PCDHA11: variants seen among roughly 807,000 people sequenced by gnomAD.
PCDHA11 encodes protocadherin alpha 11, also known as protocadherin alpha-11.
A neutral mutation model predicts 70.3 loss-of-function variants in PCDHA11; 61 were observed. That is an observed-to-expected ratio of 0.87 (90% confidence interval 0.71 to 1.07). The LOEUF (loss-of-function observed/expected upper bound fraction) is 1.07. Among genes scored for constraint, PCDHA11 ranks in the 50% least tolerant of loss-of-function variants. The probability of loss-of-function intolerance (pLI) is 0.00; values close to 1 mark genes in which losing one functional copy is unlikely to be tolerated. For synonymous variants in PCDHA11, 633 were observed against 555.1 expected (o/e 1.14, Z -1.97); for missense variants, 1,324 against 1,237.5 (o/e 1.07, Z -1.05).
At position 140,870,179 on chromosome 5, in the gene PCDHA11, G is replaced by A; in HGVS notation, c.1076G>A (p.Arg359Gln). ...VAVTSLSLPV[R>Q]EDAQPSTVIA... ...GTGACTTCCTTGTCCCTCCCAGTAC[G>A]AGAGGACGCTCAGCCCAGCACGGTC... The change falls in exon 1 of 4, where the codon CGA becomes CAA. Residue 359 changes from arginine (R) to glutamine (Q), a missense_variant. Physicochemically the swap from Arg to Gln is conservative, Grantham distance 43. Transcript: ENST00000398640. 1 of 1,614,104 alleles carries A rather than the reference G, an allele frequency of 6.2e-7. No homozygotes were observed. Among genetic ancestry groups the A allele is most frequent in the South Asian group, 1.1e-5 (1 of 91,082 alleles).
intron 1 of PCDHA11, among the ~76,000 whole-genome samples, chr5:140,874,127 A>G (rs1297073584): frequency 2.0e-5 from 3 of 151,564 alleles, no homozygotes; most frequent in Non-Finnish European, 4.4e-5. Flanking sequence ...TAGTTTATTT[A>G]AGTTATCTTA....
intron 1 of PCDHA11, among the ~76,000 whole-genome samples, chr5:140,906,117 C>A (rs1554192403): frequency 6.6e-6 from 1 of 152,180 alleles, no homozygotes; most frequent in Non-Finnish European, 1.5e-5. Flanking sequence ...AGTCCACTGA[C>A]ACAAATGTTA....
intron 1 of PCDHA11, among the ~76,000 whole-genome samples, chr5:140,918,875 T>G (rs1283138930): frequency 2.0e-5 from 3 of 152,188 alleles, no homozygotes; most frequent in African/African-American, 7.2e-5. Context: ...CTTTCAAGCC[T>G]CTAGAACAGT....
chr5:140,911,075 A>G (rs1554194593), intron 1 of PCDHA11, among the ~76,000 whole-genome samples: 1 of 152,076 alleles, frequency 6.6e-6, no homozygotes, highest in Admixed American at 6.6e-5. Context: ...GAGGAGAATC[A>G]ACATTATCTT....
At chr5:140,909,634 T>G (rs2074616296) in intron 1 of PCDHA11, among the ~76,000 whole-genome samples, 1 of 152,176 alleles carries the variant, frequency 6.6e-6, no homozygotes, top group Non-Finnish European at 1.5e-5. Flanking sequence ...GTCTTCCTAT[T>G]TTGTCTTTTC....
chr5:140,910,577 C>T (rs1425639563), intron 1 of PCDHA11, among the ~76,000 whole-genome samples: 1 of 152,186 alleles, frequency 6.6e-6, no homozygotes, highest in Non-Finnish European at 1.5e-5. Flanking sequence ...TTTCTGGATC[C>T]TCCCAGCTGG....
chr5:140,884,504 G>A (rs782001863), intron 1 of PCDHA11: 5 of 1,614,180 alleles, frequency 3.1e-6, no homozygotes, highest in Admixed American at 3.3e-5. Flanking sequence ...CAGCGCGGCA[G>A]GGAGTTGGTC....
Position 140,870,975 on chromosome 5 carries a change from G to A in PCDHA11, c.1872G>A (p.Gly624=). The change falls in exon 1 of 4, where the codon GGG becomes GGA. Residue 624 remains glycine (G), a synonymous_variant. Coordinates refer to ENST00000398640, the MANE Select transcript of PCDHA11 (RefSeq NM_018902.5). ...AGGSRIPFRV[G]LYTGEISTTR... The stretch of plus-strand genomic sequence containing the variant: ...GCTCGCGCATCCCGTTCCGCGTGGG[G>A]CTGTACACGGGCGAGATAAGCACAA... The A allele has an allele frequency of 6.2e-7, 1 of 1,613,610 alleles. No homozygotes were observed. The highest frequency in any genetic ancestry group is 8.5e-7 in the Non-Finnish European group (1 of 1,179,896).
intron 3 of PCDHA11, among the ~76,000 whole-genome samples, chr5:141,005,799 T>A (rs1207641244): frequency 7.5e-6 from 1 of 133,220 alleles, no homozygotes; most frequent in African/African-American, 2.8e-5. Context: ...CAAAAACAAC[T>A]CCAAGGAGCC....
chr5:140,932,607 T>C (rs555006363), intron 1 of PCDHA11, among the ~76,000 whole-genome samples: 8 of 152,052 alleles, frequency 5.3e-5, no homozygotes, highest in Non-Finnish European at 7.4e-5. Flanking sequence ...CTATTTTGAC[T>C]TTGAAGCTGA....
rs782163702 is a variant in PCDHA11, at chr5:140,979,042, C to G, written c.2450+35C>G. 3.1e-6 allele frequency: 5 copies of G among 1,612,562 alleles called. No individual in the cohort carries two copies. The South Asian group carries it at 4.4e-5, about 14-fold the overall frequency. Reference sequence around the variant, plus strand: ...TCCCTCCTCATTCACTCAGAAGTAACCTTAACTTGGTATGGCTCAGATAAA... The same window carrying G: ...TCCCTCCTCATTCACTCAGAAGTAAGCTTAACTTGGTATGGCTCAGATAAA... On this transcript the variant is annotated intron_variant, in intron 2 of 3. Coordinates refer to ENST00000398640, the MANE Select transcript of PCDHA11 (RefSeq NM_018902.5).
At chr5:140,979,318 T>C (rs2096844474) in intron 2 of PCDHA11, among the ~76,000 whole-genome samples, 1 of 152,196 alleles carries the variant, frequency 6.6e-6, no homozygotes, top group Non-Finnish European at 1.5e-5. Context: ...CTACCTATGC[T>C]TTCTTTTCCT....
chr5:140,971,799 TTA>T (rs1435483264), intron 1 of PCDHA11, among the ~76,000 whole-genome samples: 2 of 152,164 alleles, frequency 1.3e-5, no homozygotes, highest in East Asian at 3.8e-4. Flanking sequence ...ATATTGAATA[TTA>T]TAATATTGAA....
intron 1 of PCDHA11, among the ~76,000 whole-genome samples, chr5:140,894,013 T>G (rs1161643824): frequency 1.3e-5 from 2 of 152,232 alleles, no homozygotes; most frequent in African/African-American, 4.8e-5. Flanking sequence ...TGGTTCAAAT[T>G]ACCAGTTCTG....
intron 1 of PCDHA11, among the ~76,000 whole-genome samples, chr5:140,896,094 AGC>A (rs2065382019): frequency 6.6e-6 from 1 of 152,148 alleles, no homozygotes; most frequent in Non-Finnish European, 1.5e-5. Context: ...TACAGGCGTG[AGC>A]CACTGTGCCT....
Position 140,869,286 on chromosome 5 carries a change from G to C in PCDHA11, c.183G>C (p.Gln61His). 6.2e-7 allele frequency: 1 copy of C among 1,613,616 alleles called. No individual in the cohort carries two copies. Among genetic ancestry groups the C allele is most frequent in the Non-Finnish European group, 8.5e-7 (1 of 1,179,974 alleles). The change falls in exon 1 of 4, where the codon CAG becomes CAC. Residue 61 changes from glutamine (Q) to histidine (H), a missense_variant. Coordinates refer to ENST00000398640, the MANE Select transcript of PCDHA11 (RefSeq NM_018902.5). ...GGCTGGAGCTGGCGGAGCTGGTGCA[G>C]CGCCTGTTCCGGGTGGCGTCCAAAA... ...DLGLELAELV[Q>H]RLFRVASKTH... is the part of the protein sequence containing the mutation.
At chr5:140,968,378 G>A (rs782689152) in intron 1 of PCDHA11, 15 of 1,614,040 alleles carry the variant, frequency 9.3e-6, no homozygotes, top group Non-Finnish European at 1.3e-5. Context: ...CAACTCCTTT[G>A]ACTATGAGAA....
intron 1 of PCDHA11, among the ~76,000 whole-genome samples, chr5:140,958,384 C>G (rs1352428582): frequency 6.6e-6 from 1 of 152,098 alleles, no homozygotes; most frequent in Non-Finnish European, 1.5e-5. Context: ...ATTTTCTTAA[C>G]AGGTCATCAA....
intron 1 of PCDHA11, chr5:140,928,453 T>G (rs528077853): frequency 1.9e-6 from 3 of 1,613,888 alleles, no homozygotes; most frequent in African/African-American, 2.7e-5. Flanking sequence ...GCTCAGGGGG[T>G]TTCATTTCCA....
Sources: allele counts gnomAD v4.1 joint callset (sites outside exome capture counted in the v4.1 genomes callset), GRCh38; gene constraint gnomAD v4.1.1; transcripts MANE v1.5; gene names NCBI Gene and HGNC (gene_info 2026-07-23, HGNC 2026-07-21).